The following HCRTR2 variants were observed in gnomAD, a reference collection of about 807,000 sequenced individuals.
The protein encoded by HCRTR2 is orexin receptor type 2.
HCRTR2 carries 22 observed loss-of-function variants against 49.0 expected under a neutral mutation model. That is an observed-to-expected ratio of 0.45 (90% CI 0.32 to 0.64). The LOEUF (loss-of-function observed/expected upper bound fraction) is 0.64. Among genes scored for constraint, HCRTR2 ranks in the 30% least tolerant of loss-of-function variants. HCRTR2 has a pLI of 0.04. For missense variants in HCRTR2, 491 were observed against 559.4 expected, an observed-to-expected ratio of 0.88 and a Z score of 1.23; for synonymous variants, 236 against 205.3, an observed-to-expected ratio of 1.15 and a Z score of -1.28.
At chr6:55,248,356 C>G (rs1766484769) in intron 1 of HCRTR2, among the ~76,000 whole-genome samples, 1 of 151,944 alleles carries the variant, frequency 6.6e-6, no homozygotes, top group African/African-American at 2.4e-5. Flanking sequence ...AAAGATGAAT[C>G]AAAGACCATT....
chr6:55,161,626 C>T (rs867885909), intron 1 of HCRTR2, among the ~76,000 whole-genome samples: 3 of 151,856 alleles, frequency 2.0e-5, no homozygotes, highest in Admixed American at 1.3e-4. Flanking sequence ...ATTGTATAGA[C>T]ACAATAAAAA....
chr6:55,206,082 C>T (rs1401567225), intron 1 of HCRTR2, among the ~76,000 whole-genome samples: 2 of 151,930 alleles, frequency 1.3e-5, no homozygotes, highest in African/African-American at 4.8e-5. Context: ...TTTGGAATAT[C>T]AGGTCCAATT....
chr6:55,167,809 A>ATTATTTTTTTTATTTTTTTTTTTT (rs1399197581), intron 1 of HCRTR2, among the ~76,000 whole-genome samples: 1 of 152,120 alleles, frequency 6.6e-6, no homozygotes, highest in Non-Finnish European at 1.5e-5. Context: ...TCTGCCCTCT[A>ATTATTTTTTTTATTTTTTTTTTTT]TTATTATTTT....
chr6:55,282,986 AC>A (rs1409501495), downstream of HCRTR2, among the ~76,000 whole-genome samples: 4 of 152,136 alleles, frequency 2.6e-5, no homozygotes, highest in African/African-American at 9.7e-5. Context: ...TAATTCAAAA[AC>A]TATCTTACAA....
chr6:55,111,361 A>T (rs1055637902), intron 1 of HCRTR2, among the ~76,000 whole-genome samples: 1 of 152,122 alleles, frequency 6.6e-6, no homozygotes, highest in Non-Finnish European at 1.5e-5. Context: ...AACATAAGAT[A>T]AATGAAACAA....
chr6:55,239,596 A>C (rs1179062755), intron 1 of HCRTR2, among the ~76,000 whole-genome samples: 1 of 152,142 alleles, frequency 6.6e-6, no homozygotes, highest in African/African-American at 2.4e-5. Context: ...ACGGTTATCA[A>C]CACTACAGAG....
intron 1 of HCRTR2, among the ~76,000 whole-genome samples, chr6:55,206,429 T>G (rs1202352049): frequency 6.6e-6 from 1 of 152,078 alleles, no homozygotes; most frequent in Admixed American, 6.5e-5. Context: ...CTATTTATAG[T>G]TATTTTATGA....
chr6:55,187,682 C>CTT (rs5876430), intron 1 of HCRTR2, among the ~76,000 whole-genome samples: 38,098 of 102,106 alleles, frequency 0.37, 7,817 homozygotes, highest in Admixed American at 0.42. Flanking sequence ...ATTATTTGAT[C>CTT]TTTTTTTTTT....
chr6:55,126,086 G>A (rs10456699), intron 1 of HCRTR2, among the ~76,000 whole-genome samples: 42,692 of 151,984 alleles, frequency 0.28, 6,733 homozygotes, highest in Non-Finnish European at 0.36. Flanking sequence ...AGAGGAGTTT[G>A]TTATTACCCA....
chr6:55,204,391 A>G (rs1294314940), intron 1 of HCRTR2, among the ~76,000 whole-genome samples: 1 of 151,986 alleles, frequency 6.6e-6, no homozygotes, highest in Non-Finnish European at 1.5e-5. Flanking sequence ...TTATTTCTCC[A>G]TTTTTCTAAT....
intron 1 of HCRTR2, among the ~76,000 whole-genome samples, chr6:55,168,505 A>G (rs9370395): frequency 0.023 from 3,480 of 152,270 alleles, 47 homozygotes; most frequent in African/African-American, 0.045. Context: ...TTCTAGCTAT[A>G]TGACCTTGGG....
intron 1 of HCRTR2, among the ~76,000 whole-genome samples, chr6:55,122,559 G>T (rs909770601): frequency 5.3e-5 from 8 of 151,974 alleles, no homozygotes; most frequent in African/African-American, 1.5e-4. Flanking sequence ...TGATGTTAGG[G>T]TGTTAATTTT....
chr6:55,245,326 A>G (rs1766411194), intron 1 of HCRTR2, among the ~76,000 whole-genome samples: 1 of 148,468 alleles, frequency 6.7e-6, no homozygotes, highest in South Asian at 2.1e-4. Context: ...TTAGGATTGA[A>G]AGGTAAATAT....
intron 1 of HCRTR2, among the ~76,000 whole-genome samples, chr6:55,153,553 T>A (rs1247153097): frequency 6.6e-6 from 1 of 152,050 alleles, no homozygotes; most frequent in East Asian, 1.9e-4. Flanking sequence ...GATGAAAACA[T>A]CATTATACAA....
chr6:55,127,566 G>T (rs145866229), intron 1 of HCRTR2, among the ~76,000 whole-genome samples: 1 of 152,108 alleles, frequency 6.6e-6, no homozygotes, highest in African/African-American at 2.4e-5. Context: ...TTTTGTGATT[G>T]ATCTGTGAGG....
At chr6:55,127,605 G>A (rs952256980) in intron 1 of HCRTR2, among the ~76,000 whole-genome samples, 3 of 152,088 alleles carry the variant, frequency 2.0e-5, no homozygotes, top group African/African-American at 7.2e-5. Flanking sequence ...TTGCTTTCTT[G>A]TTGTTGTTTT....
At chr6:55,133,695 AT>A (rs1764393691) in intron 1 of HCRTR2, among the ~76,000 whole-genome samples, 5 of 149,302 alleles carry the variant, frequency 3.3e-5, no homozygotes, top group African/African-American at 1.2e-4. Flanking sequence ...CTATCTATCT[AT>A]CTATCTATAT....
chr6:55,254,279 A>C (rs1766607813), intron 2 of HCRTR2, among the ~76,000 whole-genome samples: 1 of 152,274 alleles, frequency 6.6e-6, no homozygotes, highest in African/African-American at 2.4e-5. Context: ...TTAAAGGGAG[A>C]GGGGATTCTG....
chr6:55,224,657 T>A (rs569732872), intron 1 of HCRTR2, among the ~76,000 whole-genome samples: 2 of 151,200 alleles, frequency 1.3e-5, no homozygotes, highest in East Asian at 3.9e-4. Flanking sequence ...AAACGTGGTA[T>A]ATATACACAA....
Sources: gnomAD v4.1 joint callset for allele counts (sites outside exome capture counted in the v4.1 genomes callset) on GRCh38, gnomAD v4.1.1 for gene constraint, MANE v1.5 for transcripts, NCBI Gene and HGNC (gene_info 2026-07-23, HGNC 2026-07-21) for gene names.